Variants in BMPER observed in about 807,000 individuals in gnomAD.
BMPER encodes BMP binding endothelial regulator, also known as BMP-binding endothelial regulator protein.
Under a neutral mutation model 87.3 loss-of-function variants are expected in BMPER, and 45 were observed. That is an observed-to-expected ratio of 0.52 (90% CI 0.41 to 0.66). The LOEUF (loss-of-function observed/expected upper bound fraction) is 0.66, where lower values mean the gene tolerates loss of function less well. BMPER is among the 30% of genes least tolerant of loss of function. The probability of loss-of-function intolerance (pLI) is 0.00; values close to 1 mark genes in which losing one functional copy is unlikely to be tolerated. For missense variants in BMPER, 784 were observed against 867.5 expected (o/e 0.90, Z 1.21); for synonymous variants, 326 against 316.2 (o/e 1.03, Z -0.33).
intron 6 of BMPER, among the ~76,000 whole-genome samples, chr7:34,014,293 G>A (rs1396788947): frequency 6.6e-6 from 1 of 151,958 alleles, no homozygotes; most frequent in Admixed American, 6.6e-5. Context: ...AAGATTCTGG[G>A]TGTTTTTGAC....
At chr7:34,127,604 C>T (rs922909489) in intron 13 of BMPER, among the ~76,000 whole-genome samples, 5 of 152,162 alleles carry the variant, frequency 3.3e-5, no homozygotes, top group Non-Finnish European at 4.4e-5. Context: ...CATCATCTCT[C>T]CTCCGCTCCA....
At chr7:33,908,967 GT>G (rs1783886099) in intron 2 of BMPER, among the ~76,000 whole-genome samples, 1 of 152,190 alleles carries the variant, frequency 6.6e-6, no homozygotes, top group African/African-American at 2.4e-5. Context: ...ACCCACTGCA[GT>G]TCATGGATTT....
At chr7:34,060,013 A>G (rs1481478715) in intron 10 of BMPER, among the ~76,000 whole-genome samples, 2 of 152,018 alleles carry the variant, frequency 1.3e-5, no homozygotes, top group Non-Finnish European at 2.9e-5. Context: ...ATACGTACTG[A>G]GATTTTATAG....
chr7:34,123,833 T>G (rs1790327316), intron 13 of BMPER, among the ~76,000 whole-genome samples: 1 of 152,224 alleles, frequency 6.6e-6, no homozygotes, highest in African/African-American at 2.4e-5. Flanking sequence ...GGATCCACAT[T>G]AGATTTTTGT....
intron 6 of BMPER, among the ~76,000 whole-genome samples, chr7:33,990,373 A>T (rs1786170827): frequency 7.2e-6 from 1 of 138,296 alleles, no homozygotes; most frequent in African/African-American, 2.7e-5. Flanking sequence ...TTCTCTTTGA[A>T]GCAATTGTGA....
intron 3 of BMPER, among the ~76,000 whole-genome samples, chr7:33,942,935 A>G (rs1212389975): frequency 6.6e-6 from 1 of 152,220 alleles, no homozygotes; most frequent in Non-Finnish European, 1.5e-5. Context: ...TTGTGTAAGT[A>G]AATGGGAGTG....
intron 6 of BMPER, among the ~76,000 whole-genome samples, chr7:33,975,072 C>A (rs1388135372): frequency 1.3e-5 from 2 of 152,314 alleles, no homozygotes; most frequent in African/African-American, 4.8e-5. Context: ...AGCTATATCA[C>A]CACCAATGTC....
intron 14 of BMPER, among the ~76,000 whole-genome samples, chr7:34,151,602 AC>A (rs1562775106): frequency 6.6e-6 from 1 of 152,320 alleles, no homozygotes; most frequent in East Asian, 1.9e-4. Context: ...ATTAGCTGCT[AC>A]TAACTCATCC....
At chr7:33,908,522 G>A (rs1783877445) in intron 2 of BMPER, among the ~76,000 whole-genome samples, 1 of 152,164 alleles carries the variant, frequency 6.6e-6, no homozygotes, top group African/African-American at 2.4e-5. Flanking sequence ...GTGATAAGAA[G>A]ATAGATGTTA....
At chr7:34,121,887 C>G (rs1583459474) in intron 13 of BMPER, among the ~76,000 whole-genome samples, 1 of 151,928 alleles carries the variant, frequency 6.6e-6, no homozygotes. Context: ...TTTGGGAGGC[C>G]AAGGCAGGAG....
At chr7:34,079,721 C>T (rs1295151881) in intron 12 of BMPER, among the ~76,000 whole-genome samples, 1 of 152,208 alleles carries the variant, frequency 6.6e-6, no homozygotes, top group Admixed American at 6.5e-5. Flanking sequence ...AGCAGAAGGG[C>T]TTGTTCTTGG....
chr7:33,980,930 A>C (rs1337497486), intron 6 of BMPER, among the ~76,000 whole-genome samples: 1 of 152,218 alleles, frequency 6.6e-6, no homozygotes, highest in Non-Finnish European at 1.5e-5. Context: ...CCCAGGGAAA[A>C]TGAAACTCCA....
intron 6 of BMPER, among the ~76,000 whole-genome samples, chr7:33,985,531 C>T (rs749424489): frequency 2.6e-5 from 4 of 152,054 alleles, no homozygotes; most frequent in Non-Finnish European, 2.9e-5. Context: ...AGTGGGTCAA[C>T]GAATCAAATA....
intron 7 of BMPER, among the ~76,000 whole-genome samples, chr7:34,047,578 A>C (rs891731477): frequency 6.6e-6 from 1 of 152,010 alleles, no homozygotes; most frequent in Non-Finnish European, 1.5e-5. Flanking sequence ...TGCCCAGCCT[A>C]TGATACCTTC....
At position 34,014,477 on chromosome 7, in the gene BMPER, A is replaced by G. The variant is rs1040478643; in HGVS notation, c.577-31829A>G. Among the ~76,000 whole-genome samples the G allele has an allele frequency of 3.7e-4, 56 of 152,082 alleles. 1 individual carries two copies. The highest frequency in any genetic ancestry group is 1.3e-3 in the African/African-American group (55 of 41,558). The stretch of plus-strand genomic sequence containing the variant: ...GCGAGGCCACCCTGTGTCCCATTTC[A>G]ATGGCCTTGAAGGCATCATTGTGAT... On this transcript the variant is annotated intron_variant, in intron 6 of 14. Coordinates refer to ENST00000649409, the MANE Select transcript of BMPER (RefSeq NM_001365308.1).
Position 34,058,125 on chromosome 7 carries a change from C to T in BMPER, c.994C>T (p.Arg332Cys), listed in dbSNP as rs775974176. ...CACVKGRTEC[R>C]NKQCIPISSC... ...TTGTGTGAAAGGCAGGACGGAGTGTCGCAATAAGCAGTGCATTCCCATCAG... is the reference window on the plus strand; with the variant it reads ...TTGTGTGAAAGGCAGGACGGAGTGTTGCAATAAGCAGTGCATTCCCATCAG... Residue 332 changes from arginine to cysteine, a missense_variant, in exon 10 of 15, where the codon CGC becomes TGC. Transcript: ENST00000649409. 5.6e-6 allele frequency: 9 copies of T among 1,613,956 alleles called. No individual in the cohort carries two copies. Among genetic ancestry groups the T allele is most frequent in the Non-Finnish European group, 5.9e-6 (7 of 1,179,996 alleles).
Position 34,063,881 on chromosome 7 carries a change from T to C in BMPER, c.1078+1834T>C, listed in dbSNP as rs535523999. On this transcript the variant is annotated intron_variant, in intron 11 of 14. Coordinates refer to ENST00000649409, the MANE Select transcript of BMPER (RefSeq NM_001365308.1). ...CCAGTTGAAGCAGAGACAGACCTCATAGGAATGCCTCTTATTTTCCAGTTA... is the reference window on the plus strand; with the variant it reads ...CCAGTTGAAGCAGAGACAGACCTCACAGGAATGCCTCTTATTTTCCAGTTA... 8.5e-5 allele frequency among the ~76,000 whole-genome samples: 13 copies of C among 152,354 alleles called. 1 individual carries two copies. The South Asian group carries it at 2.7e-3, about 32-fold the overall frequency.
chr7:34,023,631 C>T (rs1431244247), intron 6 of BMPER, among the ~76,000 whole-genome samples: 1 of 152,022 alleles, frequency 6.6e-6, no homozygotes, highest in South Asian at 2.1e-4. Flanking sequence ...TGTATGAACT[C>T]CAACTCCTAT....
chr7:34,112,265 C>A (rs925561134), intron 13 of BMPER, among the ~76,000 whole-genome samples: 1 of 151,788 alleles, frequency 6.6e-6, no homozygotes, highest in South Asian at 2.1e-4. Context: ...GAGGCTGAGG[C>A]GGGCGGATCA....
Sources: allele counts gnomAD v4.1 joint callset (sites outside exome capture counted in the v4.1 genomes callset), GRCh38; gene constraint gnomAD v4.1.1; transcripts MANE v1.5; gene names NCBI Gene and HGNC (gene_info 2026-07-23, HGNC 2026-07-21).